KIF27: variants seen among roughly 807,000 people sequenced by gnomAD.
The protein encoded by KIF27 is kinesin family member 27.
Under a neutral mutation model 141.8 loss-of-function variants are expected in KIF27, and 84 were observed. That is an observed-to-expected ratio of 0.59 (90% CI 0.50 to 0.71). The LOEUF is 0.71. Ranked by LOEUF, KIF27 falls within the 30% of genes least tolerant of loss-of-function variation. KIF27 has a pLI of 0.00. For synonymous variants in KIF27, 471 were observed against 569.5 expected, an observed-to-expected ratio of 0.83 and a Z score of 2.46; for missense variants, 1,306 against 1,628.4, an observed-to-expected ratio of 0.80 and a Z score of 3.41.
At chr9:83,861,619 A>C (rs1393625967) in intron 13 of KIF27, among the ~76,000 whole-genome samples, 3 of 152,078 alleles carry the variant, frequency 2.0e-5, no homozygotes. Context: ...TGCTATTGTG[A>C]ATAGTGCCAC....
At chr9:83,839,793 A>T (rs1946349104) in intron 17 of KIF27, among the ~76,000 whole-genome samples, 1 of 152,032 alleles carries the variant, frequency 6.6e-6, no homozygotes, top group South Asian at 2.1e-4. Flanking sequence ...AAATACAAAA[A>T]ATTAGCCGGG....
At chr9:83,873,328 G>C (rs1284952873) in intron 11 of KIF27, among the ~76,000 whole-genome samples, 2 of 152,162 alleles carry the variant, frequency 1.3e-5, no homozygotes, top group Non-Finnish European at 2.9e-5. Flanking sequence ...AACATACACT[G>C]GCTGTCATCT....
chr9:83,892,014 G>A (rs1284116335), intron 5 of KIF27, among the ~76,000 whole-genome samples: 1 of 152,152 alleles, frequency 6.6e-6, no homozygotes, highest in Admixed American at 6.5e-5. Context: ...TGAGAGGAAG[G>A]AGAACTTGGA....
chr9:83,897,535 T>A (rs1037314246), intron 5 of KIF27, among the ~76,000 whole-genome samples: 15 of 151,906 alleles, frequency 9.9e-5, no homozygotes, highest in African/African-American at 3.6e-4. Flanking sequence ...ATAGAAAGTA[T>A]CCTCAGAGGA....
chr9:83,882,022 A>T (rs547316562), intron 10 of KIF27, among the ~76,000 whole-genome samples: 2,450 of 152,284 alleles, frequency 0.016, 38 homozygotes, highest in Non-Finnish European at 0.026. Context: ...AAAAATTGAA[A>T]TAACTGTTTT....
At position 83,848,109 on chromosome 9, in the gene KIF27, C is replaced by CATATATATGATATATATGATATATCAT. The variant is rs375222138; in HGVS notation, c.3556+1989_3556+1990insATGATATATCATATATATCATATATAT. 1.6e-4 allele frequency among the ~76,000 whole-genome samples: 4 copies of CATATATATGATATATATGATATATCAT among 24,506 alleles called. 1 individual carries two copies. In the African/African-American group the frequency reaches 1.9e-3, roughly 12 times the overall value. 16.1% of individuals were successfully genotyped at this position (24,506 alleles called of 152,430 possible). ...CATATATATGATATATATGATATCT[C>CATATATATGATATATATGATATATCAT]ATATCTGATATATCTGATATCTCAT... On this transcript the variant is annotated intron_variant, in intron 16 of 17. Coordinates refer to ENST00000297814, the MANE Select transcript of KIF27 (RefSeq NM_017576.4).
intron 5 of KIF27, among the ~76,000 whole-genome samples, chr9:83,898,499 G>C (rs1953498815): frequency 6.6e-6 from 1 of 152,176 alleles, no homozygotes; most frequent in Admixed American, 6.5e-5. Context: ...CTGAGGAAGA[G>C]GGAGGAATAA....
At chr9:83,864,998 C>T (rs1025065168) in intron 13 of KIF27, among the ~76,000 whole-genome samples, 14 of 152,054 alleles carry the variant, frequency 9.2e-5, no homozygotes, top group Non-Finnish European at 2.1e-4. Context: ...GGACTGCAAC[C>T]CCTGCCTTTT....
chr9:83,911,137 G>C (rs529896026), intron 2 of KIF27, among the ~76,000 whole-genome samples: 1 of 152,108 alleles, frequency 6.6e-6, no homozygotes. Context: ...CACAATCATG[G>C]CTCACTACAG....
In KIF27 at chr9:83,903,697, A is replaced by G. The variant is rs765715657; in HGVS notation, c.821T>C (p.Leu274Ser). 6.2e-7 allele frequency: 1 copy of G among 1,614,132 alleles called. No homozygotes were observed. Among genetic ancestry groups the G allele is most frequent in the Non-Finnish European group, 8.5e-7 (1 of 1,180,018 alleles). The change falls in exon 4 of 18, where the codon TTA (leucine) becomes TCA (serine). Residue 274 changes from leucine (L) to serine (S), a missense_variant. Transcript: ENST00000297814. ...CCCAAGAGCGCTTATTACATTTCCT[A>G]AAGCCAGCAATCCACTATTGATTTG... ...SIQINSGLLA[L>S]GNVISALGDP...
chr9:83,891,050 C>T (rs536175311), intron 6 of KIF27, among the ~76,000 whole-genome samples: 1 of 152,158 alleles, frequency 6.6e-6, no homozygotes, highest in East Asian at 1.9e-4. Context: ...CAAAGGATAC[C>T]TTTTTCACAT....
intron 13 of KIF27, among the ~76,000 whole-genome samples, chr9:83,866,865 A>T (rs1045913800): frequency 8.5e-5 from 13 of 152,144 alleles, no homozygotes; most frequent in Admixed American, 6.6e-5. Context: ...AAATTAAAAA[A>T]AAAAATGAAG....
intron 5 of KIF27, among the ~76,000 whole-genome samples, chr9:83,892,719 G>T (rs1255614095): frequency 6.6e-6 from 1 of 152,138 alleles, no homozygotes; most frequent in Admixed American, 6.5e-5. Context: ...TAGAAAAAGA[G>T]ATACCATGTA....
chr9:83,891,560 G>C lies in KIF27; in HGVS notation c.1603-59C>G, dbSNP rs1488169151. On this transcript the variant is annotated intron_variant, in intron 5 of 17. Transcript: ENST00000297814. The stretch of plus-strand genomic sequence containing the variant: ...GAGCACTTCAGTACATTTAGATTAT[G>C]ATTAAAAATGAATTTTACATTGACC... 6.2e-6 allele frequency: 9 copies of C among 1,452,932 alleles called. No individual in the cohort carries two copies. In the African/African-American group the frequency reaches 1.3e-4, roughly 21 times the overall value. 90.0% of individuals were successfully genotyped at this position (1,452,932 alleles called of 1,614,324 possible).
chr9:83,835,842 T>A lies in KIF27; in HGVS notation c.*1159A>T, dbSNP rs1305900935. 3 of 152,256 alleles carry A rather than the reference T, an allele frequency of 2.0e-5. No homozygotes were observed. Among genetic ancestry groups the A allele is most frequent in the Non-Finnish European group, 4.4e-5 (3 of 68,044 alleles). 9.4% of individuals were successfully genotyped at this position (152,256 alleles called of 1,614,324 possible). On this transcript the variant is annotated 3_prime_UTR_variant, in exon 18 of 18. Coordinates refer to ENST00000297814, the MANE Select transcript of KIF27 (RefSeq NM_017576.4). ...TAGTTTAAGAAACTCAACTTCGGTT[T>A]ACAAGTGTTTTGGAAAAGTAACAAA...
intron 11 of KIF27, among the ~76,000 whole-genome samples, chr9:83,877,039 C>T (rs1351923971): frequency 6.6e-6 from 1 of 152,002 alleles, no homozygotes; most frequent in African/African-American, 2.4e-5. Flanking sequence ...ATCATGGCAC[C>T]GCACTTCAGC....
At chr9:83,908,680 C>G in intron 2 of KIF27, 28 bp from the exon 3 acceptor site, 6 of 1,452,204 alleles carry the variant, frequency 4.1e-6, no homozygotes, top group Non-Finnish European at 5.6e-6. Flanking sequence ...GAAAGCACAT[C>G]TGGAACTTAA....
In KIF27 at chr9:83,888,512, T is replaced by C. The variant is rs762929444; in HGVS notation, c.2060A>G (p.Gln687Arg). 1.3e-6 allele frequency: 2 copies of C among 1,588,204 alleles called. No individual in the cohort carries two copies. The highest frequency in any genetic ancestry group is 1.7e-4 in the Middle Eastern group (1 of 5,986). The change falls in exon 8 of 18, where the codon CAA (glutamine) becomes CGA (arginine). Residue 687 changes from glutamine to arginine, a missense_variant. By Grantham distance (43) the Gln-to-Arg change is conservative. Around this residue, in one of 4 missense-constraint regions of KIF27, gnomAD observed 596 missense variants for 751.6 expected, o/e 0.79. Coordinates refer to ENST00000297814, the MANE Select transcript of KIF27 (RefSeq NM_017576.4). ...VELSDTQDET[Q>R]KSDLENEDLK... is the part of the protein sequence containing the mutation. ...ACCTTCATTCTCCAAATCTGACTTT[T>C]GTGTTTCATCCTGAGTATCACTCAA...
intron 5 of KIF27, among the ~76,000 whole-genome samples, chr9:83,899,132 T>C (rs1486465847): frequency 6.6e-6 from 1 of 152,182 alleles, no homozygotes; most frequent in Admixed American, 6.5e-5. Context: ...ATATTAACTA[T>C]TTGGGGTGAT....
Sources: gnomAD v4.1 joint callset for allele counts (sites outside exome capture counted in the v4.1 genomes callset) on GRCh38, gnomAD v4.1.1 for gene constraint, gnomAD v4.1.1 regional missense constraint, MANE v1.5 for transcripts, NCBI Gene and HGNC (gene_info 2026-07-23, HGNC 2026-07-21) for gene names.